KDM5C: variants seen among roughly 807,000 people sequenced by gnomAD.
KDM5C encodes lysine-specific demethylase 5C.
Under a neutral mutation model 110.6 loss-of-function variants are expected in KDM5C, and 16 were observed. That is an observed-to-expected ratio of 0.14 (90% CI 0.10 to 0.22). The LOEUF (loss-of-function observed/expected upper bound fraction) is 0.22. Among genes scored for constraint, KDM5C ranks in the 10% least tolerant of loss-of-function variants. The probability of loss-of-function intolerance (pLI) is 1.00; values close to 1 mark genes in which losing one functional copy is unlikely to be tolerated. For missense variants in KDM5C, 681 were observed against 1,300.9 expected (o/e 0.52, Z 7.33); for synonymous variants, 511 against 520.4 (o/e 0.98, Z 0.24).
Position 53,217,562 on chromosome X carries a change from C to T in KDM5C, c.522+234G>A, listed in dbSNP as rs141916051. ...CCCACACCTTCTAGCCCAAGCTCTC[C>T]CTTCTCTGATTTCTCTATCAGTTAA... On this transcript the variant is annotated intron_variant, in intron 4 of 25. Transcript: ENST00000375401. Among the ~76,000 whole-genome samples, 614 of 112,251 alleles carry T rather than the reference C, an allele frequency of 5.5e-3. 3 individuals are homozygous for T. Among genetic ancestry groups the T allele is most frequent in the Non-Finnish European group, 7.9e-3 (419 of 53,268 alleles).
At chrX:53,210,885 G>A in intron 10 of KDM5C, 28 bp from the exon 11 acceptor site, 1 of 1,168,149 alleles carries the variant, frequency 8.6e-7, no homozygotes, top group South Asian at 1.8e-5. Flanking sequence ...TGTAAAAAGG[G>A]CATGAGGGTT....
At chrX:53,181,607 GA>G (rs1392077161) in intron 25 of KDM5C, among the ~76,000 whole-genome samples, 1 of 90,734 alleles carries the variant, frequency 1.1e-5, no homozygotes, top group Admixed American at 1.5e-4. Context: ...ACACACAAAT[GA>G]TAAGATTTAG....
intron 25 of KDM5C, among the ~76,000 whole-genome samples, chrX:53,184,226 A>T (rs1473821806): frequency 9.0e-6 from 1 of 111,456 alleles, no homozygotes; most frequent in Non-Finnish European, 1.9e-5. Flanking sequence ...TGCTGAATTT[A>T]TTAGCTGTAT....
intron 4 of KDM5C, 98 bp from the exon 5 acceptor site, chrX:53,217,375 T>C (rs1373965634): frequency 5.0e-6 from 5 of 1,002,893 alleles, no homozygotes; most frequent in Non-Finnish European, 6.9e-6. Context: ...AAAGCTGTGG[T>C]CCACTCACCT....
At chrX:53,214,899 T>C (rs781905928) in intron 7 of KDM5C, 52 bp from the exon 8 acceptor site, 3 of 1,175,191 alleles carry the variant, frequency 2.6e-6, no homozygotes, top group African/African-American at 3.5e-5. Context: ...CTGTGTTTGC[T>C]GGCTGAATGA....
At chrX:53,193,367 G>A in intron 25 of KDM5C, 35 bp from the exon 26 acceptor site, 1 of 1,211,043 alleles carries the variant, frequency 8.3e-7, no homozygotes, top group Non-Finnish European at 1.1e-6. Flanking sequence ...ACAGGTTGTG[G>A]GCCAGTGGTC....
intron 8 of KDM5C, 53 bp from the exon 9 acceptor site, chrX:53,211,959 T>C: frequency 8.4e-7 from 1 of 1,194,105 alleles, no homozygotes. Context: ...AGGTGAAGAA[T>C]CCTCCCAAGT....
At chrX:53,217,992 T>G (rs1556852893) in intron 3 of KDM5C, 26 bp from the exon 4 acceptor site, 2 of 1,200,788 alleles carry the variant, frequency 1.7e-6, no homozygotes, top group Admixed American at 2.2e-5. Flanking sequence ...GGAAAAGACA[T>G]GGATGTGCCA....
downstream of KDM5C, among the ~76,000 whole-genome samples, chrX:53,190,355 A>G (rs1216609057): frequency 8.9e-6 from 1 of 112,460 alleles, no homozygotes; most frequent in Non-Finnish European, 1.9e-5. Flanking sequence ...GCTGTCTGAA[A>G]ACTGGTGAAG....
chrX:53,194,462 C>T lies in KDM5C; in HGVS notation c.3715G>A (p.Asp1239Asn). The T allele has an allele frequency of 2.5e-6, 3 of 1,210,494 alleles. No homozygotes were observed. The highest frequency in any genetic ancestry group is 3.4e-6 in the Non-Finnish European group (3 of 894,720). The change falls in exon 23 of 26, where the codon GAC becomes AAC. Residue 1239 changes from aspartate (D) to asparagine (N), a missense_variant. This residue lies in a region of KDM5C where 48 missense variants were observed against 59.7 expected (regional missense o/e 0.80). Transcript: ENST00000375401. The stretch of plus-strand genomic sequence containing the variant: ...CACAGTGGACACAGGAATTTGGTGT[C>T]CCATTCCCACCAGGCCAGCAGTGGG... ...SSPLLAWWEW[D>N]TKFLCPLCMR... is the part of the protein sequence containing the mutation.
intron 12 of KDM5C, among the ~76,000 whole-genome samples, chrX:53,204,661 T>C (rs1433574958): frequency 2.7e-5 from 3 of 111,467 alleles, no homozygotes; most frequent in Non-Finnish European, 3.8e-5. Context: ...CATGCCCGGC[T>C]AATTTTTTGT....
At chrX:53,202,580 T>G (rs992062749) in intron 12 of KDM5C, 6 of 118,166 alleles carry the variant, frequency 5.1e-5, no homozygotes, top group Non-Finnish European at 1.1e-4. Flanking sequence ...TCATGCAACC[T>G]TCTGATCTGT....
intron 12 of KDM5C, among the ~76,000 whole-genome samples, chrX:53,204,790 C>A (rs782695357): frequency 8.9e-6 from 1 of 112,087 alleles, no homozygotes; most frequent in South Asian, 3.7e-4. Context: ...GCCACTGCAC[C>A]CGGCCCTCAC....
At chrX:53,206,714 A>C (rs2073341691) in intron 12 of KDM5C, among the ~76,000 whole-genome samples, 1 of 107,478 alleles carries the variant, frequency 9.3e-6, no homozygotes, top group African/African-American at 3.4e-5. Context: ...AAATACAAAA[A>C]TTAGCTGGAT....
At chrX:53,204,621 C>T (rs1263585244) in intron 12 of KDM5C, among the ~76,000 whole-genome samples, 3 of 110,925 alleles carry the variant, frequency 2.7e-5, no homozygotes, top group Admixed American at 9.5e-5. Flanking sequence ...CTCAGCCTCC[C>T]GAGTAGCTGG....
At chrX:53,182,030 A>C (rs1480366928) in intron 25 of KDM5C, among the ~76,000 whole-genome samples, 2 of 110,716 alleles carry the variant, frequency 1.8e-5, no homozygotes, top group African/African-American at 3.3e-5. Context: ...CCTCGTGATT[A>C]GCCCGCCTCG....
chrX:53,221,635 T>C (rs1330089529), intron 1 of KDM5C: 4 of 652,006 alleles, frequency 6.1e-6, no homozygotes, highest in African/African-American at 2.3e-5. Flanking sequence ...GGGCCTGAGA[T>C]AGACACTGCA....
intron 3 of KDM5C, 92 bp downstream of exon 3, chrX:53,218,184 T>C: frequency 1.9e-6 from 2 of 1,071,468 alleles, no homozygotes; most frequent in Non-Finnish European, 2.6e-6. Context: ...CATTGCAGCC[T>C]AAAGATCTAA....
intron 5 of KDM5C, among the ~76,000 whole-genome samples, chrX:53,216,469 G>T (rs1003291382): frequency 8.9e-6 from 1 of 112,179 alleles, no homozygotes; most frequent in African/African-American, 3.2e-5. Flanking sequence ...AGTTATGAGG[G>T]GGGTTAGGGA....
Sources: allele counts gnomAD v4.1 joint callset (sites outside exome capture counted in the v4.1 genomes callset), GRCh38; gene constraint gnomAD v4.1.1; regional missense constraint gnomAD v4.1.1; transcripts MANE v1.5; gene names NCBI Gene and HGNC (gene_info 2026-07-23, HGNC 2026-07-21).